The following TECRL variants were observed in gnomAD, a reference collection of about 807,000 sequenced individuals.
TECRL encodes the protein trans-2,3-enoyl-CoA reductase-like.
In TECRL, 63 loss-of-function variants were observed where a neutral mutation model predicts 52.8. The ratio of observed to expected loss-of-function variants is 1.19; its 90% CI spans 0.97 to 1.47. TECRL has a LOEUF of 1.47. Among genes scored for constraint, TECRL ranks in the 40% most tolerant of loss-of-function variants. The pLI, the probability that TECRL is intolerant of heterozygous loss-of-function variation, is 0.00. For synonymous variants in TECRL, 164 were observed against 141.9 expected, an observed-to-expected ratio of 1.16 and a Z score of -1.10; for missense variants, 482 against 429.6, an observed-to-expected ratio of 1.12 and a Z score of -1.08.
At chr4:64,406,147 G>GGCGCGCGC (rs67324937) in intron 1 of TECRL, among the ~76,000 whole-genome samples, 1 of 146,566 alleles carries the variant, frequency 6.8e-6, no homozygotes, top group East Asian at 2.0e-4. Context: ...TTATTTGTTA[G>GGCGCGCGC]GCGCGCGCGC....
At chr4:64,290,419 T>C (rs867910521) in intron 8 of TECRL, among the ~76,000 whole-genome samples, 4 of 152,174 alleles carry the variant, frequency 2.6e-5, no homozygotes, top group African/African-American at 9.7e-5. Flanking sequence ...TTGTCTGTCA[T>C]ATATACCTCA....
chr4:64,327,842 G>A (rs2110043164), intron 3 of TECRL, among the ~76,000 whole-genome samples: 1 of 151,956 alleles, frequency 6.6e-6, no homozygotes, highest in East Asian at 1.9e-4. Context: ...ATGAAAAATT[G>A]GGAGATTGAA....
chr4:64,385,644 G>A (rs1441640622), intron 1 of TECRL, among the ~76,000 whole-genome samples: 1 of 152,074 alleles, frequency 6.6e-6, no homozygotes, highest in African/African-American at 2.4e-5. Flanking sequence ...GGGTTGTTGG[G>A]CCCCAAGGCA....
At chr4:64,368,570 A>AC (rs1721772510) in intron 2 of TECRL, among the ~76,000 whole-genome samples, 5 of 152,310 alleles carry the variant, frequency 3.3e-5, no homozygotes, top group African/African-American at 1.2e-4. Context: ...CTGGGATTAC[A>AC]GGCATGAGCC....
chr4:64,277,051 C>A (rs1317313723), downstream of TECRL: 3 of 1,494,756 alleles, frequency 2.0e-6, no homozygotes, highest in South Asian at 1.3e-5. Flanking sequence ...AGTGAGACCA[C>A]CTGGAAATAA....
At chr4:64,280,236 A>C (rs1162446387) in intron 11 of TECRL, 37 bp from the exon 12 acceptor site, 1 of 1,239,632 alleles carries the variant, frequency 8.1e-7, no homozygotes, top group Non-Finnish European at 1.0e-6. Context: ...TTTCTTTCTT[A>C]TTTCTATGAA....
intron 1 of TECRL, among the ~76,000 whole-genome samples, chr4:64,398,611 A>G (rs1393879958): frequency 2.0e-5 from 3 of 152,124 alleles, no homozygotes; most frequent in Non-Finnish European, 1.5e-5. Context: ...CCACAGAACT[A>G]TGGGACAATT....
intron 1 of TECRL, among the ~76,000 whole-genome samples, chr4:64,396,696 GC>G (rs920016408): frequency 2.1e-4 from 32 of 152,160 alleles, no homozygotes; most frequent in African/African-American, 7.7e-4. Context: ...TGTTGTAATT[GC>G]TTTGGGAGTC....
At chr4:64,399,298 G>C (rs979988626) in intron 1 of TECRL, among the ~76,000 whole-genome samples, 2 of 152,074 alleles carry the variant, frequency 1.3e-5, no homozygotes, top group African/African-American at 4.8e-5. Flanking sequence ...TGCAGTAGCA[G>C]AAGAATAACT....
At chr4:64,409,081 TAAAC>T (rs762674486) in intron 1 of TECRL, 33 bp downstream of exon 1, 104 of 1,444,904 alleles carry the variant, frequency 7.2e-5, no homozygotes, top group African/African-American at 1.7e-4. Flanking sequence ...AAGAAACACT[TAAAC>T]AAACAAACAA....
chr4:64,316,984 A>G (rs1717539340), intron 4 of TECRL, among the ~76,000 whole-genome samples: 1 of 152,188 alleles, frequency 6.6e-6, no homozygotes. Context: ...ACAAATTGAA[A>G]AAGGTAATAA....
intron 5 of TECRL, among the ~76,000 whole-genome samples, chr4:64,311,904 C>G (rs775217694): frequency 6.6e-6 from 1 of 152,052 alleles, no homozygotes; most frequent in Non-Finnish European, 1.5e-5. Context: ...GAGGGCACAG[C>G]ACAGAAAAGC....
intron 5 of TECRL, among the ~76,000 whole-genome samples, chr4:64,311,300 T>G (rs1418217892): frequency 2.0e-5 from 3 of 152,160 alleles, no homozygotes; most frequent in African/African-American, 7.2e-5. Context: ...CAGATACCTA[T>G]AAGTATAATG....
At chr4:64,296,700 T>G (rs1456161894) in intron 8 of TECRL, among the ~76,000 whole-genome samples, 2 of 151,792 alleles carry the variant, frequency 1.3e-5, no homozygotes, top group Non-Finnish European at 3.0e-5. Flanking sequence ...GTTCTTTAGG[T>G]AAAGTATATT....
chr4:64,281,539 T>A lies in TECRL; in HGVS notation c.853A>T (p.Ser285Cys), dbSNP rs773551131. 16 of 1,603,148 alleles carry A rather than the reference T, an allele frequency of 1.0e-5. No individual in the cohort carries two copies. The highest frequency in any genetic ancestry group is 1.4e-5 in the Non-Finnish European group (16 of 1,173,966). The change falls in exon 10 of 12, where the codon AGT becomes TGT. Residue 285 changes from serine (S) to cysteine (C), a missense_variant. Transcript: ENST00000381210. The part of the protein sequence containing the change: ...NHTGNNACFP[S>C]PNYNPFTWMF... ...CATGTGAAGGGGTTATAATTTGGAC[T>A]TGGGAAACAGGCATTGTTTCCTTTT... is the stretch of plus-strand genomic sequence containing the variant.
intron 1 of TECRL, among the ~76,000 whole-genome samples, chr4:64,387,196 C>T (rs889738118): frequency 2.0e-5 from 3 of 152,100 alleles, no homozygotes; most frequent in Admixed American, 1.3e-4. Context: ...CATTTTTTCA[C>T]TTAGTAATGC....
At chr4:64,346,048 G>T (rs1719960148) in intron 2 of TECRL, among the ~76,000 whole-genome samples, 1 of 151,172 alleles carries the variant, frequency 6.6e-6, no homozygotes, top group Admixed American at 6.6e-5. Context: ...ACACACACAG[G>T]CTTACTTAAA....
At chr4:64,387,045 A>T (rs1427212454) in intron 1 of TECRL, among the ~76,000 whole-genome samples, 1 of 152,182 alleles carries the variant, frequency 6.6e-6, no homozygotes, top group Non-Finnish European at 1.5e-5. Context: ...TATTATGCAC[A>T]GTGTTTTCAC....
rs547820729 is a variant in TECRL at position 64,291,547 on chromosome 4, A to G, written c.775-1780T>C. ...ATTTGTGAAAAAATAAGTTTTAGAA[A>G]TTATAATTCTTCTGATGAAACGTAT... is the stretch of plus-strand genomic sequence containing the variant. On this transcript the variant is annotated intron_variant, in intron 8 of 11. Transcript: ENST00000381210. 1.2e-4 allele frequency among the ~76,000 whole-genome samples: 19 copies of G among 152,110 alleles called. 1 individual carries two copies. The highest frequency in any genetic ancestry group is 4.3e-4 in the African/African-American group (18 of 41,574).
Sources: allele counts gnomAD v4.1 joint callset (sites outside exome capture counted in the v4.1 genomes callset), GRCh38; gene constraint gnomAD v4.1.1; transcripts MANE v1.5; gene names NCBI Gene and HGNC (gene_info 2026-07-23, HGNC 2026-07-21).